The following CACNA1D variants were observed in gnomAD, a reference collection of about 807,000 sequenced individuals.
CACNA1D encodes the protein voltage-dependent L-type calcium channel subunit alpha-1D.
In CACNA1D, 55 loss-of-function variants were observed where a neutral mutation model predicts 257.1. The ratio of observed to expected loss-of-function variants is 0.21; its 90% CI spans 0.17 to 0.27. The LOEUF (loss-of-function observed/expected upper bound fraction) is 0.27. CACNA1D is among the 10% of genes least tolerant of loss of function. The pLI, the probability that CACNA1D is intolerant of heterozygous loss-of-function variation, is 1.00. For missense variants in CACNA1D, 1,876 were observed against 2,784.0 expected, an observed-to-expected ratio of 0.67 and a Z score of 7.34; for synonymous variants, 980 against 1,014.9, an observed-to-expected ratio of 0.97 and a Z score of 0.65.
intron 21 of CACNA1D, among the ~76,000 whole-genome samples, chr3:53,741,918 G>GA (rs1235090604): frequency 6.6e-6 from 1 of 152,008 alleles, no homozygotes; most frequent in East Asian, 1.9e-4. Flanking sequence ...TATTTAAAAG[G>GA]AAAAAAATGA....
At position 53,590,969 on chromosome 3, in the gene CACNA1D, T is replaced by C. The variant is rs192397845; in HGVS notation, c.484-59810T>C. Among the ~76,000 whole-genome samples, 4 of 152,324 alleles carry C rather than the reference T, an allele frequency of 2.6e-5. 1 individual carries two copies. The East Asian group carries it at 5.8e-4, about 22-fold the overall frequency. ...ATGTATGGGCTTTCAGTAAACATGT[T>C]TGGATTGAAATACACATTTGAGGAG... On this transcript the variant is annotated intron_variant, in intron 3 of 47. Coordinates refer to ENST00000350061, the MANE Select transcript of CACNA1D (RefSeq NM_001128840.3).
rs1187945118 is a variant in CACNA1D at position 53,740,190 on chromosome 3, T to C, written c.2752-90T>C. 4 of 948,846 alleles carry C rather than the reference T, an allele frequency of 4.2e-6. No homozygotes were observed. The African/African-American group carries it at 6.4e-5, about 15-fold the overall frequency. 58.8% of individuals were successfully genotyped at this position (948,846 alleles called of 1,614,324 possible). On this transcript the variant is annotated intron_variant, in intron 20 of 47. Transcript: ENST00000350061. ...GGGTTTTCCTGGAGGGATGGGTCTC[T>C]GACTGGATCGGGGGTTTCTGCCTGT...
At chr3:53,810,735 G>A (rs532573037) in intron 47 of CACNA1D, among the ~76,000 whole-genome samples, 51 of 128,006 alleles carry the variant, frequency 4.0e-4, no homozygotes, top group African/African-American at 1.5e-3. Context: ...TCCAGCCTGG[G>A]CCACAGAGCG....
At chr3:53,597,740 C>T (rs1032070891) in intron 3 of CACNA1D, among the ~76,000 whole-genome samples, 1 of 152,156 alleles carries the variant, frequency 6.6e-6, no homozygotes, top group Admixed American at 6.5e-5. Flanking sequence ...ACACATGGGC[C>T]GGCCACTGTT....
intron 8 of CACNA1D, among the ~76,000 whole-genome samples, chr3:53,700,539 T>G (rs773511641): frequency 6.6e-6 from 1 of 152,210 alleles, no homozygotes; most frequent in Non-Finnish European, 1.5e-5. Context: ...GTATTTCCCA[T>G]GTGTCAGGAA....
chr3:53,752,544 C>T (rs942322716), intron 28 of CACNA1D, among the ~76,000 whole-genome samples: 1 of 152,212 alleles, frequency 6.6e-6, no homozygotes, highest in Non-Finnish European at 1.5e-5. Context: ...CGATTACAGG[C>T]ATATGCCACC....
intron 4 of CACNA1D, among the ~76,000 whole-genome samples, chr3:53,657,027 C>T (rs2094154256): frequency 6.6e-6 from 1 of 152,090 alleles, no homozygotes; most frequent in African/African-American, 2.4e-5. Context: ...ATAGACTTAC[C>T]ATATGACCAT....
chr3:53,647,684 C>T (rs544044926), intron 3 of CACNA1D, among the ~76,000 whole-genome samples: 9 of 152,318 alleles, frequency 5.9e-5, no homozygotes, highest in South Asian at 2.1e-4. Flanking sequence ...TCCTGAACGA[C>T]GTTTTGCAAG....
At chr3:53,660,730 A>G (rs544646596) in intron 5 of CACNA1D, among the ~76,000 whole-genome samples, 1 of 152,136 alleles carries the variant, frequency 6.6e-6, no homozygotes, top group East Asian at 1.9e-4. Context: ...GGACTCCTGG[A>G]AACTCTGATT....
chr3:53,626,010 A>G (rs913275885), intron 3 of CACNA1D, among the ~76,000 whole-genome samples: 1 of 152,174 alleles, frequency 6.6e-6, no homozygotes, highest in Non-Finnish European at 1.5e-5. Context: ...TCTTATCTGT[A>G]GGTCTGCTGC....
chr3:53,554,933 T>C (rs568418413), intron 3 of CACNA1D, among the ~76,000 whole-genome samples: 27 of 152,342 alleles, frequency 1.8e-4, no homozygotes, highest in Admixed American at 1.6e-3. Context: ...CCCCTGACTC[T>C]CATACATTGA....
At chr3:53,568,849 A>C (rs1333070149) in intron 3 of CACNA1D, among the ~76,000 whole-genome samples, 1 of 151,998 alleles carries the variant, frequency 6.6e-6, no homozygotes, top group Non-Finnish European at 1.5e-5. Context: ...CTCCTCTCAT[A>C]TTCCTCTTGA....
rs1344262010 is a variant in CACNA1D, at chr3:53,673,251, TTTC to T, written c.1220+128_1220+130del. ...ACATTTTATGTGTCCTCTGAGATGC[TTTC>T]TTTTCTGCTGAGGCTTCCCAAATCA... On this transcript the variant is annotated intron_variant, in intron 8 of 47. Coordinates refer to ENST00000350061, the MANE Select transcript of CACNA1D (RefSeq NM_001128840.3). This position sits in a 1 kb window ranked among gnomAD's most constrained non-coding sequence, Gnocchi z 4.1. 2 of 654,200 alleles carry T rather than the reference TTTC, an allele frequency of 3.1e-6. No individual in the cohort carries two copies. The highest frequency in any genetic ancestry group is 3.7e-5 in the African/African-American group (2 of 54,594). 40.5% of individuals were successfully genotyped at this position (654,200 alleles called of 1,614,324 possible). A position where few individuals can be genotyped will look rare whatever the true frequency, so the allele number is the denominator to read the frequency against.
intron 42 of CACNA1D, 146 bp downstream of exon 42, chr3:53,801,571 C>A: frequency 9.6e-7 from 1 of 1,041,444 alleles, no homozygotes; most frequent in Non-Finnish European, 1.5e-6. Context: ...CTGTGAGTGC[C>A]CCCCAGGTCA....
chr3:53,774,349 C>G lies in CACNA1D; in HGVS notation c.4111-238C>G. 2.0e-6 allele frequency: 1 copy of G among 512,050 alleles called. No homozygotes were observed. 31.7% of individuals were successfully genotyped at this position (512,050 alleles called of 1,614,324 possible). On this transcript the variant is annotated intron_variant, in intron 33 of 47. Coordinates refer to ENST00000350061, the MANE Select transcript of CACNA1D (RefSeq NM_001128840.3). The surrounding 1 kb of genome is among the most constrained non-coding windows in gnomAD (Gnocchi z 4.3). ...TGCCTGGCTACCTTTGTGTCTCCCC[C>G]AGGGGAGATCCGCGAATGTGAGACC...
intron 3 of CACNA1D, among the ~76,000 whole-genome samples, chr3:53,511,566 C>G (rs1180744188): frequency 6.6e-6 from 1 of 152,006 alleles, no homozygotes; most frequent in Non-Finnish European, 1.5e-5. Flanking sequence ...GCAGATGGTC[C>G]CTGCATTCAT....
intron 30 of CACNA1D, among the ~76,000 whole-genome samples, chr3:53,764,556 T>C (rs2095322079): frequency 6.6e-6 from 1 of 152,192 alleles, no homozygotes; most frequent in Non-Finnish European, 1.5e-5. Flanking sequence ...ACACCCAGCT[T>C]TCTCACGCCT....
chr3:53,562,330 C>T (rs1246518866), intron 3 of CACNA1D, among the ~76,000 whole-genome samples: 4 of 152,178 alleles, frequency 2.6e-5, no homozygotes, highest in African/African-American at 9.7e-5. Context: ...AATAAAAACA[C>T]TTGCATATTG....
intron 3 of CACNA1D, among the ~76,000 whole-genome samples, chr3:53,540,238 C>T (rs2092260486): frequency 6.6e-6 from 1 of 152,054 alleles, no homozygotes; most frequent in Non-Finnish European, 1.5e-5. Context: ...CCTGCCTCAG[C>T]CTCCTGAGTA....
Sources: gnomAD v4.1 joint callset for allele counts (sites outside exome capture counted in the v4.1 genomes callset) on GRCh38, gnomAD v4.1.1 for gene constraint, Gnocchi (gnomAD v3.1) non-coding constraint, MANE v1.5 for transcripts, NCBI Gene and HGNC (gene_info 2026-07-23, HGNC 2026-07-21) for gene names.